Variants in CAMSAP2 observed in about 807,000 individuals in gnomAD.
The protein encoded by CAMSAP2 is calmodulin regulated spectrin associated protein family member 2.
In CAMSAP2, 26 loss-of-function variants were observed where a neutral mutation model predicts 146.1. The ratio of observed to expected loss-of-function variants is 0.18; its 90% CI spans 0.13 to 0.25. The LOEUF is 0.25. Ranked by LOEUF, CAMSAP2 falls within the 10% of genes least tolerant of loss-of-function variation. The pLI, the probability that CAMSAP2 is intolerant of heterozygous loss-of-function variation, is 1.00. For synonymous variants in CAMSAP2, 499 were observed against 596.6 expected (o/e 0.84, Z 2.38); for missense variants, 1,381 against 1,759.3 (o/e 0.78, Z 3.85).
At chr1:200,811,239 G>A (rs547828769) in intron 3 of CAMSAP2, among the ~76,000 whole-genome samples, 2 of 152,224 alleles carry the variant, frequency 1.3e-5, no homozygotes, top group East Asian at 3.9e-4. Context: ...CTCCCCTGTG[G>A]TGGCAGTTTC....
chr1:200,815,766 C>T, intron 4 of CAMSAP2, 122 bp downstream of exon 4: 1 of 441,048 alleles, frequency 2.3e-6, no homozygotes, highest in Non-Finnish European at 4.0e-6. Flanking sequence ...TTAACTGTAC[C>T]CTAGAAAGCC....
intron 1 of CAMSAP2, among the ~76,000 whole-genome samples, chr1:200,749,873 G>T (rs932090489): frequency 2.0e-5 from 3 of 152,220 alleles, no homozygotes; most frequent in Non-Finnish European, 2.9e-5. Flanking sequence ...AGGAGGTAAA[G>T]AATAGGGAGA....
intron 15 of CAMSAP2, among the ~76,000 whole-genome samples, chr1:200,856,718 G>T (rs998286187): frequency 2.6e-5 from 4 of 152,192 alleles, no homozygotes; most frequent in Non-Finnish European, 2.9e-5. Flanking sequence ...GTATGGGGAA[G>T]AGCAGAGGGA....
chr1:200,834,120 T>C (rs867594900), intron 6 of CAMSAP2, among the ~76,000 whole-genome samples: 4 of 152,180 alleles, frequency 2.6e-5, no homozygotes, highest in Non-Finnish European at 2.9e-5. Context: ...TCTCAGCACT[T>C]TGGGAGGCTG....
intron 7 of CAMSAP2, 132 bp from the exon 8 acceptor site, chr1:200,844,650 C>T: frequency 1.9e-5 from 9 of 471,108 alleles, no homozygotes; most frequent in Non-Finnish European, 3.0e-5. Flanking sequence ...AAGAAGAAAA[C>T]TTTATGCTAT....
At chr1:200,746,149 T>C (rs1664315665) in intron 1 of CAMSAP2, among the ~76,000 whole-genome samples, 1 of 152,224 alleles carries the variant, frequency 6.6e-6, no homozygotes, top group African/African-American at 2.4e-5. Flanking sequence ...GTAAAGTTTA[T>C]GTAATGTATA....
At chr1:200,787,991 C>T (rs1024925985) in intron 2 of CAMSAP2, among the ~76,000 whole-genome samples, 52 of 152,096 alleles carry the variant, frequency 3.4e-4, no homozygotes, top group African/African-American at 1.2e-3. Context: ...CAATAGATTA[C>T]AGTATAAGCA....
intron 1 of CAMSAP2, among the ~76,000 whole-genome samples, chr1:200,744,338 G>A (rs957547602): frequency 1.3e-5 from 2 of 152,196 alleles, no homozygotes; most frequent in African/African-American, 4.8e-5. Context: ...GTGTAAGAGG[G>A]TGAGGTCGCC....
At chr1:200,750,573 A>ATGTGTGTGTG (rs145051907) in intron 1 of CAMSAP2, among the ~76,000 whole-genome samples, 1 of 146,662 alleles carries the variant, frequency 6.8e-6, no homozygotes, top group African/African-American at 2.5e-5. Context: ...AAATGCCTGT[A>ATGTGTGTGTG]TGTGTGTGTG....
intron 4 of CAMSAP2, among the ~76,000 whole-genome samples, chr1:200,818,604 G>A (rs1666669148): frequency 6.6e-6 from 1 of 151,956 alleles, no homozygotes; most frequent in African/African-American, 2.4e-5. Context: ...TAATCTTACT[G>A]TAGGTTCAGG....
intron 2 of CAMSAP2, among the ~76,000 whole-genome samples, chr1:200,790,922 G>A (rs1665733562): frequency 6.6e-6 from 1 of 151,904 alleles, no homozygotes; most frequent in South Asian, 2.1e-4. Flanking sequence ...TTGGCTCACT[G>A]TAACCTCCGC....
chr1:200,820,138 G>T (rs140219528), intron 4 of CAMSAP2, among the ~76,000 whole-genome samples: 1 of 149,854 alleles, frequency 6.7e-6, no homozygotes, highest in East Asian at 2.0e-4. Flanking sequence ...TCGGCTCATT[G>T]CAACTTTGGC....
chr1:200,852,802 G>A (rs1182583032), intron 12 of CAMSAP2, 125 bp downstream of exon 12: 15 of 1,058,974 alleles, frequency 1.4e-5, no homozygotes, highest in Non-Finnish European at 2.0e-5. Flanking sequence ...ATTTCTTTCA[G>A]AGAAGTTTGT....
chr1:200,843,136 A>C (rs1441529525), intron 7 of CAMSAP2, among the ~76,000 whole-genome samples: 1 of 152,128 alleles, frequency 6.6e-6, no homozygotes, highest in Non-Finnish European at 1.5e-5. Context: ...GCAACACATG[A>C]TCATTGTGCA....
intron 4 of CAMSAP2, among the ~76,000 whole-genome samples, chr1:200,824,251 C>G (rs912794990): frequency 7.2e-6 from 1 of 138,860 alleles, no homozygotes; most frequent in South Asian, 2.3e-4. Context: ...TTTTTTTTTG[C>G]CCCTCCTTAT....
At chr1:200,811,082 G>T (rs78849011) in intron 3 of CAMSAP2, among the ~76,000 whole-genome samples, 1 of 152,012 alleles carries the variant, frequency 6.6e-6, no homozygotes. Flanking sequence ...GGTCAAAAAG[G>T]CAAATCCAAT....
Position 200,739,860 on chromosome 1 carries a change from A to T in CAMSAP2, c.33A>T (p.Arg11Ser), listed in dbSNP as rs1664103913. The T allele has an allele frequency of 2.5e-6, 4 of 1,614,108 alleles. No individual in the cohort carries two copies. Among genetic ancestry groups the T allele is most frequent in the Non-Finnish European group, 2.5e-6 (3 of 1,179,994 alleles). Residue 11 changes from arginine to serine, a missense_variant, in exon 1 of 17, where the codon AGA becomes AGT. By Grantham distance (110) the Arg-to-Ser change is moderately radical. Coordinates refer to ENST00000358823, the MANE Select transcript of CAMSAP2 (RefSeq NM_203459.4). This position sits in a 1 kb window ranked among gnomAD's most constrained non-coding sequence, Gnocchi z 4.8. MGDAADPREM[R>S]KTFIVPAIKP... ...ATGCTGCAGACCCCAGGGAGATGAGAAAGACGTTCATTGTTCCAGCCATCA... is the reference window on the plus strand; with the variant it reads ...ATGCTGCAGACCCCAGGGAGATGAGTAAGACGTTCATTGTTCCAGCCATCA...
Position 200,857,120 on chromosome 1 carries a change from C to G in CAMSAP2, c.4013-186C>G, listed in dbSNP as rs1439219141. On this transcript the variant is annotated intron_variant, in intron 15 of 16. Coordinates refer to ENST00000358823, the MANE Select transcript of CAMSAP2 (RefSeq NM_203459.4). The surrounding 1 kb of genome is among the most constrained non-coding windows in gnomAD (Gnocchi z 4.7). Reference sequence around the variant, plus strand: ...CTCCAAAAGGCCATAGGAACATCCTCCATATCTCTGGGTGGATAAAACAAT... The same window carrying G: ...CTCCAAAAGGCCATAGGAACATCCTGCATATCTCTGGGTGGATAAAACAAT... 6.6e-6 allele frequency among the ~76,000 whole-genome samples: 1 copy of G among 152,126 alleles called. No individual in the cohort carries two copies. The highest frequency in any genetic ancestry group is 2.4e-5 in the African/African-American group (1 of 41,414).
chr1:200,823,829 A>G (rs1435379847), intron 4 of CAMSAP2, among the ~76,000 whole-genome samples: 3 of 152,214 alleles, frequency 2.0e-5, no homozygotes, highest in Non-Finnish European at 4.4e-5. Context: ...TGCATATACT[A>G]TTGGGGATTC....
Sources: gnomAD v4.1 joint callset for allele counts (sites outside exome capture counted in the v4.1 genomes callset) on GRCh38, gnomAD v4.1.1 for gene constraint, Gnocchi (gnomAD v3.1) non-coding constraint, MANE v1.5 for transcripts, NCBI Gene and HGNC (gene_info 2026-07-23, HGNC 2026-07-21) for gene names.